SLC17A5: variants seen among roughly 807,000 people sequenced by gnomAD.
SLC17A5 encodes the protein sialin.
In SLC17A5, 47 loss-of-function variants were observed where a neutral mutation model predicts 59.4. That is an observed-to-expected ratio of 0.79 (90% CI 0.63 to 1.01). The LOEUF (loss-of-function observed/expected upper bound fraction) is 1.01. Among genes scored for constraint, SLC17A5 ranks in the 50% least tolerant of loss-of-function variants. The probability of loss-of-function intolerance (pLI) is 0.00; values close to 1 mark genes in which losing one functional copy is unlikely to be tolerated. For synonymous variants in SLC17A5, 202 were observed against 210.7 expected, an observed-to-expected ratio of 0.96 and a Z score of 0.36; for missense variants, 522 against 595.5, an observed-to-expected ratio of 0.88 and a Z score of 1.28.
chr6:73,616,567 ACACACACACACAC>A lies in SLC17A5; in HGVS notation c.979-1133_979-1121del, dbSNP rs1447692034. Among the ~76,000 whole-genome samples, 469 of 123,852 alleles carry A rather than the reference ACACACACACACAC, an allele frequency of 3.8e-3. 2 individuals are homozygous for A. Among genetic ancestry groups the A allele is most frequent in the African/African-American group, 0.016 (437 of 27,306 alleles). The allele number at this position is 123,852 out of a possible 152,430, so 81.3% of individuals were successfully genotyped here. ...TTACTACACACACACACACACACAC[ACACACACACACAC>A]GTTTATTTTTAACAGAACTGGAGAG... On this transcript the variant is annotated intron_variant, in intron 7 of 10. Coordinates refer to ENST00000355773, the MANE Select transcript of SLC17A5 (RefSeq NM_012434.5).
Position 73,593,585 on chromosome 6 carries a change from G to GGATGTGGTT in SLC17A5, c.*1491_*1492insAACCACATC, listed in dbSNP as rs1275914108. On this transcript the variant is annotated 3_prime_UTR_variant, in exon 11 of 11. Coordinates refer to ENST00000355773, the MANE Select transcript of SLC17A5 (RefSeq NM_012434.5). ...TCTGAAAGCATGCTCAACAACCACA[G>GGATGTGGTT]CCACTGGAGGATGGTCCACTGGAAA... is the stretch of plus-strand genomic sequence containing the variant. The GGATGTGGTT allele has an allele frequency of 2.6e-5, 4 of 152,304 alleles. No homozygotes were observed. The South Asian group carries it at 8.3e-4, about 32-fold the overall frequency. The allele number at this position is 152,304 out of a possible 1,614,324, so 9.4% of individuals were successfully genotyped here. A position where few individuals can be genotyped will look rare whatever the true frequency, so the allele number is the denominator to read the frequency against.
chr6:73,610,460 G>A lies in SLC17A5; in HGVS notation c.1199C>T (p.Thr400Ile). The change falls in exon 9 of 11, where the codon ACA becomes ATA. Residue 400 changes from threonine to isoleucine, a missense_variant. Coordinates refer to ENST00000355773, the MANE Select transcript of SLC17A5 (RefSeq NM_012434.5). ...SLAVAFLTIS[T>I]TLGGFCSSGF... Reference sequence around the variant, plus strand: ...AGAAGAGCAAAAGCCTCCCAGTGTTGTTGATATAGTTAGGAAAGCAACGGC... The same window carrying A: ...AGAAGAGCAAAAGCCTCCCAGTGTTATTGATATAGTTAGGAAAGCAACGGC... 6.2e-7 allele frequency: 1 copy of A among 1,614,148 alleles called. No homozygotes were observed. Among genetic ancestry groups the A allele is most frequent in the South Asian group, 1.1e-5 (1 of 91,086 alleles).
chr6:73,609,541 A>G (rs1329264882), intron 9 of SLC17A5, among the ~76,000 whole-genome samples: 1 of 149,324 alleles, frequency 6.7e-6, no homozygotes, highest in Non-Finnish European at 1.5e-5. Context: ...TAGTTAGACA[A>G]ATCAATTGGG....
intron 6 of SLC17A5, among the ~76,000 whole-genome samples, chr6:73,632,460 T>TTTTTTA (rs1561996481): frequency 4.0e-5 from 5 of 125,730 alleles, no homozygotes; most frequent in Admixed American, 9.1e-5. Flanking sequence ...TTTTTTTTTT[T>TTTTTTA]AAGACAGGGT....
intron 7 of SLC17A5, among the ~76,000 whole-genome samples, chr6:73,619,291 A>G (rs1189999244): frequency 1.3e-5 from 2 of 152,216 alleles, no homozygotes; most frequent in East Asian, 3.8e-4. Flanking sequence ...GGTTAGCACA[A>G]ATCTTCAATT....
chr6:73,628,993 T>A (rs1404420049), intron 6 of SLC17A5, among the ~76,000 whole-genome samples: 1 of 152,244 alleles, frequency 6.6e-6, no homozygotes, highest in East Asian at 1.9e-4. Flanking sequence ...ATTTGACAAC[T>A]AAATATTCAA....
intron 9 of SLC17A5, among the ~76,000 whole-genome samples, chr6:73,608,320 A>T (rs761617701): frequency 2.0e-5 from 3 of 152,134 alleles, no homozygotes; most frequent in Non-Finnish European, 4.4e-5. Flanking sequence ...GAAGCCCAGG[A>T]CTTATTTCCA....
At chr6:73,633,166 A>G (rs558333450) in intron 6 of SLC17A5, among the ~76,000 whole-genome samples, 1 of 138,172 alleles carries the variant, frequency 7.2e-6, no homozygotes, top group East Asian at 2.1e-4. Flanking sequence ...TTTCTTTTTT[A>G]CTTGTATTAA....
intron 8 of SLC17A5, among the ~76,000 whole-genome samples, chr6:73,610,953 T>A: frequency 6.6e-6 from 1 of 152,160 alleles, no homozygotes; most frequent in East Asian, 1.9e-4. Context: ...AGAATAATAC[T>A]CCATCTTGCC....
chr6:73,645,514 C>T (rs1477631790), intron 1 of SLC17A5: 1 of 984,686 alleles, frequency 1.0e-6, no homozygotes, highest in East Asian at 1.1e-4. Flanking sequence ...ATGCCGGGCA[C>T]AGTGGCTCAC....
At chr6:73,650,216 G>GAAA (rs372950016) in intron 1 of SLC17A5, among the ~76,000 whole-genome samples, 7,611 of 34,356 alleles carry the variant, frequency 0.22, 414 homozygotes, top group Admixed American at 0.41. Context: ...AAAAAAAAAA[G>GAAA]AAAGAAAAAA....
chr6:73,602,126 T>C (rs1348406146), intron 9 of SLC17A5, among the ~76,000 whole-genome samples: 9 of 151,696 alleles, frequency 5.9e-5, no homozygotes, highest in Non-Finnish European at 8.8e-5. Context: ...ATCCTGTTGA[T>C]CGGTGACCTT....
chr6:73,618,979 G>A (rs1410925112), intron 7 of SLC17A5, among the ~76,000 whole-genome samples: 2 of 152,030 alleles, frequency 1.3e-5, no homozygotes, highest in African/African-American at 4.8e-5. Flanking sequence ...CGCCCGCCTC[G>A]GCTTCCCAAA....
At chr6:73,616,759 T>A (rs1303010921) in intron 7 of SLC17A5, among the ~76,000 whole-genome samples, 1 of 151,952 alleles carries the variant, frequency 6.6e-6, no homozygotes, top group African/African-American at 2.4e-5. Flanking sequence ...CAGGCGTGTG[T>A]CACCACGCCC....
At chr6:73,640,368 T>C (rs1769223284) in intron 3 of SLC17A5, among the ~76,000 whole-genome samples, 1 of 152,238 alleles carries the variant, frequency 6.6e-6, no homozygotes, top group African/African-American at 2.4e-5. Flanking sequence ...TAATAGTACC[T>C]GGCAATTTCC....
At chr6:73,644,993 GGTA>G (rs1192430317) in intron 1 of SLC17A5, among the ~76,000 whole-genome samples, 2 of 152,114 alleles carry the variant, frequency 1.3e-5, no homozygotes, top group Non-Finnish European at 2.9e-5. Context: ...AAAACATGGA[GGTA>G]GTAGTTTTAT....
intron 4 of SLC17A5, 46 bp from the exon 5 acceptor site, chr6:73,636,753 C>A: frequency 2.2e-6 from 3 of 1,380,302 alleles, no homozygotes; most frequent in Non-Finnish European, 3.1e-6. Flanking sequence ...GAGAGAGAAA[C>A]AAGGATAGGA....
intron 6 of SLC17A5, chr6:73,635,148 A>G (rs1277639698): frequency 6.5e-6 from 2 of 306,524 alleles, no homozygotes; most frequent in Admixed American, 9.2e-5. Context: ...TATGTTGACT[A>G]GGCTAGTCTC....
rs1028652581 is a variant in SLC17A5, at chr6:73,594,732, T to C, written c.*345A>G. 9.8e-6 allele frequency: 3 copies of C among 306,710 alleles called. No individual in the cohort carries two copies. The Admixed American group carries it at 1.4e-4, about 15-fold the overall frequency. The allele number at this position is 306,710 out of a possible 1,614,324, so 19.0% of individuals were successfully genotyped here. On this transcript the variant is annotated 3_prime_UTR_variant, in exon 11 of 11. Transcript: ENST00000355773. Reference sequence around the variant, plus strand: ...CAGGTGTTTATCAGTACCTGAGAATTATCATCTAGTTTAATTAAGCAAAGG... The same window carrying C: ...CAGGTGTTTATCAGTACCTGAGAATCATCATCTAGTTTAATTAAGCAAAGG...
Sources: allele counts gnomAD v4.1 joint callset (sites outside exome capture counted in the v4.1 genomes callset), GRCh38; gene constraint gnomAD v4.1.1; transcripts MANE v1.5; gene names NCBI Gene and HGNC (gene_info 2026-07-23, HGNC 2026-07-21).